The following SMARCC1 variants were observed in gnomAD, a reference collection of about 807,000 sequenced individuals.
SMARCC1 encodes the protein SWI/SNF related BAF chromatin remodeling complex subunit C1, also known as SWI/SNF complex subunit SMARCC1.
SMARCC1 carries 43 observed loss-of-function variants against 147.4 expected under a neutral mutation model. The observed-to-expected ratio is 0.29, with a 90% CI of 0.23 to 0.38. The LOEUF is 0.38. SMARCC1 is among the 10% of genes least tolerant of loss of function. The pLI is 1.00. For synonymous variants in SMARCC1, 495 were observed against 484.4 expected (o/e 1.02, Z -0.29); for missense variants, 1,119 against 1,381.1 (o/e 0.81, Z 3.01).
At chr3:47,637,244 C>T (rs1373761247) in intron 22 of SMARCC1, among the ~76,000 whole-genome samples, 3 of 152,110 alleles carry the variant, frequency 2.0e-5, no homozygotes, top group Non-Finnish European at 2.9e-5. Context: ...GTACAAATAT[C>T]GTCTTTAGAA....
At chr3:47,652,951 T>TTA in intron 21 of SMARCC1, among the ~76,000 whole-genome samples, 1 of 146,414 alleles carries the variant, frequency 6.8e-6, no homozygotes, top group African/African-American at 2.5e-5. Context: ...TTTACTTTCT[T>TTA]TTTTTTTTTT....
At chr3:47,704,223 G>C (rs963905009) in intron 10 of SMARCC1, among the ~76,000 whole-genome samples, 2 of 152,174 alleles carry the variant, frequency 1.3e-5, no homozygotes, top group Non-Finnish European at 2.9e-5. Context: ...AGGCAGCAGA[G>C]AGATAAAATA....
intron 26 of SMARCC1, among the ~76,000 whole-genome samples, chr3:47,599,051 C>T (rs1010098712): frequency 2.0e-5 from 3 of 152,024 alleles, no homozygotes; most frequent in Non-Finnish European, 2.9e-5. Flanking sequence ...GGATATTGGA[C>T]CTGATTTCCC....
chr3:47,730,832 C>T (rs1482093897), intron 5 of SMARCC1, among the ~76,000 whole-genome samples: 4 of 151,362 alleles, frequency 2.6e-5, no homozygotes, highest in African/African-American at 9.7e-5. Flanking sequence ...CGCCATTGCA[C>T]TCCAGCCTGG....
intron 22 of SMARCC1, among the ~76,000 whole-genome samples, chr3:47,636,934 A>C (rs2032978883): frequency 6.6e-6 from 1 of 152,082 alleles, no homozygotes; most frequent in South Asian, 2.1e-4. Flanking sequence ...AAAGTTGACA[A>C]AGTCTTTTAA....
chr3:47,755,211 A>G (rs1214135456), intron 2 of SMARCC1, among the ~76,000 whole-genome samples: 2 of 151,924 alleles, frequency 1.3e-5, no homozygotes, highest in African/African-American at 4.8e-5. Flanking sequence ...TCAAAAACTA[A>G]ATTAATTAAG....
chr3:47,684,333 T>TAAGGAG (rs1307951945), intron 14 of SMARCC1, among the ~76,000 whole-genome samples: 5 of 151,948 alleles, frequency 3.3e-5, no homozygotes, highest in Non-Finnish European at 5.9e-5. Flanking sequence ...GAGACGATGC[T>TAAGGAG]AAGGAGGTCT....
chr3:47,595,249 C>G (rs1242445330), intron 26 of SMARCC1, among the ~76,000 whole-genome samples: 1 of 152,114 alleles, frequency 6.6e-6, no homozygotes, highest in Non-Finnish European at 1.5e-5. Context: ...CATGGCCAAG[C>G]GGGCGCGATG....
intron 1 of SMARCC1, among the ~76,000 whole-genome samples, chr3:47,776,759 A>C (rs1447826668): frequency 6.6e-6 from 1 of 151,488 alleles, no homozygotes; most frequent in East Asian, 1.9e-4. Context: ...GTAAATATAT[A>C]GATGTAAATA....
intron 21 of SMARCC1, among the ~76,000 whole-genome samples, chr3:47,654,524 A>G (rs2033233000): frequency 6.6e-6 from 1 of 152,242 alleles, no homozygotes; most frequent in African/African-American, 2.4e-5. Flanking sequence ...CTGGGATCTT[A>G]GTCCATTTTC....
intron 2 of SMARCC1, among the ~76,000 whole-genome samples, chr3:47,750,381 G>A (rs903387057): frequency 6.6e-6 from 1 of 152,172 alleles, no homozygotes; most frequent in African/African-American, 2.4e-5. Context: ...GATGCAGTGA[G>A]CCGGGATCGC....
intron 10 of SMARCC1, among the ~76,000 whole-genome samples, chr3:47,702,899 C>G (rs756036243): frequency 6.6e-6 from 1 of 151,110 alleles, no homozygotes; most frequent in Non-Finnish European, 1.5e-5. Flanking sequence ...GCTCCTGGCC[C>G]AAAAAGTTTT....
At chr3:47,773,018 G>T in intron 1 of SMARCC1, 82 bp from the exon 2 acceptor site, 1 of 1,274,936 alleles carries the variant, frequency 7.8e-7, no homozygotes, top group African/African-American at 1.5e-5. Flanking sequence ...TACCTACTAA[G>T]TACTTACGTT....
intron 9 of SMARCC1, among the ~76,000 whole-genome samples, chr3:47,710,054 T>C (rs808985): frequency 2.0e-5 from 3 of 152,194 alleles, no homozygotes; most frequent in Non-Finnish European, 2.9e-5. Flanking sequence ...TGGTGGCTCA[T>C]GCCTGTAATC....
intron 2 of SMARCC1, among the ~76,000 whole-genome samples, chr3:47,748,166 AAAAT>A (rs1257509532): frequency 2.0e-5 from 3 of 152,162 alleles, no homozygotes; most frequent in Admixed American, 2.0e-4. Context: ...ATAAAAAATA[AAAAT>A]AAAAACATAA....
At chr3:47,708,088 T>TTTCTTC (rs1559650563) in intron 9 of SMARCC1, among the ~76,000 whole-genome samples, 1 of 55,850 alleles carries the variant, frequency 1.8e-5, no homozygotes, top group Non-Finnish European at 3.8e-5. Context: ...TTTTTCTTTT[T>TTTCTTC]TTTTTTTTTT....
At chr3:47,603,142 C>A (rs537003162) in intron 26 of SMARCC1, among the ~76,000 whole-genome samples, 4 of 152,072 alleles carry the variant, frequency 2.6e-5, no homozygotes, top group African/African-American at 9.7e-5. Context: ...GGAGATCCCG[C>A]CGGGTGCAGT....
At chr3:47,605,144 G>C (rs1277078753) in intron 26 of SMARCC1, among the ~76,000 whole-genome samples, 1 of 152,166 alleles carries the variant, frequency 6.6e-6, no homozygotes, top group Non-Finnish European at 1.5e-5. Flanking sequence ...GTGTAAACAG[G>C]CACCACCACT....
intron 22 of SMARCC1, among the ~76,000 whole-genome samples, chr3:47,636,478 G>A (rs1272137483): frequency 6.6e-6 from 1 of 152,222 alleles, no homozygotes; most frequent in East Asian, 1.9e-4. Context: ...GCCGGGTGCA[G>A]TAGCTCACGC....
Sources: allele counts gnomAD v4.1 joint callset (sites outside exome capture counted in the v4.1 genomes callset), GRCh38; gene constraint gnomAD v4.1.1; transcripts MANE v1.5; gene names NCBI Gene and HGNC (gene_info 2026-07-23, HGNC 2026-07-21).